Variants in C7 observed in about 807,000 individuals in gnomAD.
The protein encoded by C7 is complement component C7.
In C7, 83 loss-of-function variants were observed where a neutral mutation model predicts 104.8. That is an observed-to-expected ratio of 0.79 (90% confidence interval 0.66 to 0.95). The LOEUF (loss-of-function observed/expected upper bound fraction) is 0.95. Ranked by LOEUF, C7 falls within the 40% of genes least tolerant of loss-of-function variation. C7 has a pLI of 0.00. For missense variants in C7, 1,070 were observed against 1,011.2 expected, an observed-to-expected ratio of 1.06 and a Z score of -0.79; for synonymous variants, 415 against 360.6, an observed-to-expected ratio of 1.15 and a Z score of -1.71.
At chr5:40,926,547 CT>C (rs1337573560) in intron 1 of C7, among the ~76,000 whole-genome samples, 1 of 152,040 alleles carries the variant, frequency 6.6e-6, no homozygotes, top group African/African-American at 2.4e-5. Context: ...ACTGTTAGAA[CT>C]AATAAATGAA....
intron 2 of C7, among the ~76,000 whole-genome samples, chr5:40,929,492 A>G (rs2459465): frequency 0.48 from 73,603 of 151,990 alleles, 19,058 homozygotes; most frequent in African/African-American, 0.69. Context: ...AAAAGCAGCC[A>G]AGGCACACAC....
At position 40,984,269 on chromosome 5, in the gene C7, AG is replaced by A. The variant is rs1429821510; in HGVS notation, c.*2699del. ...CTTGTAATCACCTTGAAAGAGAAGG[AG>A]GGTTCTTCGTATTCAGGTAGGGTAT... On this transcript the variant is annotated 3_prime_UTR_variant, in exon 18 of 18. Coordinates refer to ENST00000313164, the MANE Select transcript of C7 (RefSeq NM_000587.4). Among the ~76,000 whole-genome samples, 1 of 152,134 alleles carries A rather than the reference AG, an allele frequency of 6.6e-6. No homozygotes were observed.
Position 40,958,160 on chromosome 5 carries a change from G to C in C7, c.1388G>C (p.Gly463Ala). ...DPCHCRPCQN[G>A]GLATVEGTHC... ...TGTCATTGCCGGCCTTGTCAAAATG[G>C]TGGTTTGGCTACTGTTGAGGGGACC... The change falls in exon 11 of 18, where the codon GGT (glycine) becomes GCT (alanine). Residue 463 changes from glycine to alanine, a missense_variant. Coordinates refer to ENST00000313164, the MANE Select transcript of C7 (RefSeq NM_000587.4). The C allele has an allele frequency of 6.2e-7, 1 of 1,613,856 alleles. No homozygotes were observed. Among genetic ancestry groups the C allele is most frequent in the Admixed American group, 1.7e-5 (1 of 60,004 alleles).
At chr5:40,958,968 A>G (rs1224049093) in intron 11 of C7, among the ~76,000 whole-genome samples, 1 of 152,210 alleles carries the variant, frequency 6.6e-6, no homozygotes, top group Non-Finnish European at 1.5e-5. Context: ...CTTATATACA[A>G]GCATTACAAA....
rs1739773036 is a variant in C7, at chr5:40,934,470, A to G, written c.280+4A>G. On this transcript the variant is annotated splice_donor_region_variant and intron_variant, in intron 4 of 17. Transcript: ENST00000313164. ...GAGCGTTTCAGGTGCTTTTCAGGTAACTTGTTTTCCATAGGCTCAGCATGC... is the reference window on the plus strand; with the variant it reads ...GAGCGTTTCAGGTGCTTTTCAGGTAGCTTGTTTTCCATAGGCTCAGCATGC... 1 of 1,613,294 alleles carries G rather than the reference A, an allele frequency of 6.2e-7. No individual in the cohort carries two copies. The highest frequency in any genetic ancestry group is 1.3e-5 in the African/African-American group (1 of 74,894).
At position 40,934,430 on chromosome 5, in the gene C7, G is replaced by A. The variant is rs1739766449; in HGVS notation, c.244G>A (p.Glu82Lys). The change falls in exon 4 of 18, where the codon GAG becomes AAG. Residue 82 changes from glutamate (E) to lysine (K), a missense_variant. Coordinates refer to ENST00000313164, the MANE Select transcript of C7 (RefSeq NM_000587.4). ...TGAACCTACAAGAGGATGTCCAACA[G>A]AGGAGGGATGTGGAGAGCGTTTCAG... ...SCEPTRGCPTEEGCGERFRCF... is the reference protein window; with the variant it reads ...SCEPTRGCPTKEGCGERFRCF... The A allele has an allele frequency of 1.9e-6, 3 of 1,613,836 alleles. No individual in the cohort carries two copies. The highest frequency in any genetic ancestry group is 2.5e-6 in the Non-Finnish European group (3 of 1,179,752).
chr5:40,910,347 C>T (rs1320027731), intron 1 of C7, among the ~76,000 whole-genome samples: 1 of 152,084 alleles, frequency 6.6e-6, no homozygotes, highest in Non-Finnish European at 1.5e-5. Flanking sequence ...GGTATTTAAA[C>T]TTTAAAAATG....
intron 14 of C7, among the ~76,000 whole-genome samples, chr5:40,965,640 A>AT (rs1389505199): frequency 1.3e-3 from 75 of 58,032 alleles, no homozygotes; most frequent in Middle Eastern, 0.011. Flanking sequence ...ATATATATAT[A>AT]TATATATATT....
At chr5:40,978,573 A>G (rs1286256393) in intron 16 of C7, among the ~76,000 whole-genome samples, 1 of 152,230 alleles carries the variant, frequency 6.6e-6, no homozygotes, top group African/African-American at 2.4e-5. Context: ...TAAACAGATG[A>G]AAAGATAGAT....
intron 7 of C7, among the ~76,000 whole-genome samples, chr5:40,947,272 G>C (rs1414206421): frequency 6.6e-6 from 1 of 151,190 alleles, no homozygotes; most frequent in African/African-American, 2.4e-5. Flanking sequence ...GATAATTTTT[G>C]TATTTTTAGT....
intron 14 of C7, among the ~76,000 whole-genome samples, chr5:40,968,586 ATATATATATATATATTTTTTTTTTTTTTT>A (rs1356520410): frequency 1.2e-4 from 9 of 76,458 alleles, no homozygotes; most frequent in Non-Finnish European, 1.7e-4. Flanking sequence ...ATATATATAT[ATATATATATATATATTTTTTTTTTTTTTT>A]TTTTTTTTTT....
At chr5:40,918,401 A>G (rs1341091677) in intron 1 of C7, among the ~76,000 whole-genome samples, 1 of 152,102 alleles carries the variant, frequency 6.6e-6, no homozygotes, top group East Asian at 1.9e-4. Flanking sequence ...AACAAGAAAA[A>G]CAACAACAAC....
intron 14 of C7, among the ~76,000 whole-genome samples, chr5:40,965,377 T>C (rs1366922894): frequency 6.6e-6 from 1 of 152,178 alleles, no homozygotes; most frequent in Non-Finnish European, 1.5e-5. Flanking sequence ...TGCTCTGTGC[T>C]ATATGAGGAA....
At chr5:40,949,284 T>C (rs1740114396) in intron 8 of C7, among the ~76,000 whole-genome samples, 1 of 151,612 alleles carries the variant, frequency 6.6e-6, no homozygotes, top group South Asian at 2.1e-4. Context: ...AAGGTTATTG[T>C]AATATAGTTA....
At chr5:40,918,698 A>G (rs1026329573) in intron 1 of C7, among the ~76,000 whole-genome samples, 3 of 150,538 alleles carry the variant, frequency 2.0e-5, no homozygotes, top group African/African-American at 7.4e-5. Flanking sequence ...AAAAAAAAAA[A>G]GTAAGGACAT....
At position 40,930,858 on chromosome 5, in the gene C7, G is replaced by A. The variant is rs575513630; in HGVS notation, c.63-206G>A. Among the ~76,000 whole-genome samples, 3 of 152,224 alleles carry A rather than the reference G, an allele frequency of 2.0e-5. No homozygotes were observed. In the South Asian group the frequency reaches 6.2e-4, roughly 32 times the overall value. On this transcript the variant is annotated intron_variant, in intron 2 of 17. Transcript: ENST00000313164. ...TAGGATTACAGGTTTGAGCCACTGT[G>A]CCAGCATAATAGATGTTTATTAAGT...
At chr5:40,916,705 ATTT>A (rs879430606) in intron 1 of C7, among the ~76,000 whole-genome samples, 2 of 151,308 alleles carry the variant, frequency 1.3e-5, no homozygotes, top group African/African-American at 2.4e-5. Context: ...CCAAATTTTT[ATTT>A]TTTTTTTAAA....
In C7 at chr5:40,959,564, C is replaced by A. The variant is rs780374968; in HGVS notation, c.1605C>A (p.Cys535Ter). ...CTCCCAGTGGGGGTGGGAGATCCTG[C>A]GTTGGAGAAACGACAGAAAGCACAC... ...NPPPSGGGRS[C>*]VGETTESTQC... Residue 535 changes from cysteine to a stop codon, truncating the protein, a stop_gained, in exon 12 of 18, where the codon TGC becomes TGA. Transcript: ENST00000313164. LOFTEE classifies it high-confidence loss of function. The A allele has an allele frequency of 1.9e-6, 3 of 1,609,198 alleles. No homozygotes were observed. Among genetic ancestry groups the A allele is most frequent in the Non-Finnish European group, 2.5e-6 (3 of 1,178,396 alleles).
chr5:40,923,968 C>T (rs1739498052), intron 1 of C7, among the ~76,000 whole-genome samples: 1 of 152,096 alleles, frequency 6.6e-6, no homozygotes, highest in African/African-American at 2.4e-5. Context: ...CCCCTGGCCC[C>T]CTGAATCTCA....
Sources: allele counts gnomAD v4.1 joint callset (sites outside exome capture counted in the v4.1 genomes callset), GRCh38; gene constraint gnomAD v4.1.1; transcripts MANE v1.5; gene names NCBI Gene and HGNC (gene_info 2026-07-23, HGNC 2026-07-21).